ZNF283: variants seen among roughly 807,000 people sequenced by gnomAD.
The protein encoded by ZNF283 is zinc finger protein 283, also known as zinc finger protein 41.
In ZNF283, 10 loss-of-function variants were observed where a neutral mutation model predicts 9.2. The ratio of observed to expected loss-of-function variants is 1.09; its 90% CI spans 0.67 to 1.85. ZNF283 has a LOEUF of 1.85. Ranked by LOEUF, ZNF283 falls within the 40% of genes most tolerant of loss-of-function variation. ZNF283 has a pLI of 0.00. For synonymous variants in ZNF283, 234 were observed against 244.1 expected, an observed-to-expected ratio of 0.96 and a Z score of 0.38; for missense variants, 631 against 760.1, an observed-to-expected ratio of 0.83 and a Z score of 2.00.
chr19:43,840,777 C>T (rs1393130330), intron 6 of ZNF283: 1 of 151,146 alleles, frequency 6.6e-6, no homozygotes, highest in Non-Finnish European at 1.5e-5. Flanking sequence ...GCTCTGCCTC[C>T]CAGGTTCACA....
chr19:43,836,699 A>G (rs1249071771), intron 5 of ZNF283, among the ~76,000 whole-genome samples: 1 of 152,218 alleles, frequency 6.6e-6, no homozygotes, highest in Non-Finnish European at 1.5e-5. Context: ...CAAAGAATTT[A>G]TGAGGAAGGC....
chr19:43,831,889 A>G (rs1039979009), intron 3 of ZNF283, among the ~76,000 whole-genome samples: 2 of 152,158 alleles, frequency 1.3e-5, no homozygotes, highest in African/African-American at 4.8e-5. Flanking sequence ...TTGGCCTTCC[A>G]AAGTGCTGGA....
At chr19:43,836,676 C>T (rs189993397) in intron 5 of ZNF283, among the ~76,000 whole-genome samples, 1 of 152,150 alleles carries the variant, frequency 6.6e-6, no homozygotes, top group Non-Finnish European at 1.5e-5. Flanking sequence ...AGATGGTGAG[C>T]AATTCACTTT....
intron 6 of ZNF283, 131 bp from the exon 7 acceptor site, chr19:43,846,808 C>T (rs2146582390): frequency 1.5e-6 from 1 of 670,928 alleles, no homozygotes; most frequent in East Asian, 2.9e-5. Flanking sequence ...TGTTATTTAA[C>T]AAGGGAGTGC....
Position 43,847,621 on chromosome 19 carries a change from T to C in ZNF283, c.1020T>C (p.Ile340=), listed in dbSNP as rs1330080124. 1 of 1,613,362 alleles carries C rather than the reference T, an allele frequency of 6.2e-7. No individual in the cohort carries two copies. The highest frequency in any genetic ancestry group is 1.3e-5 in the African/African-American group (1 of 74,892). ...WGSSLAKHEI[I]HTGEKPYKCK... ...CAAGCCTTGCTAAACATGAGATAAT[T>C]CATACAGGTGAGAAACCTTATAAAT... is the stretch of plus-strand genomic sequence containing the variant. Residue 340 remains isoleucine, a synonymous_variant, in exon 7 of 7, where the codon ATT becomes ATC. Transcript: ENST00000618787.
At position 43,851,308 on chromosome 19, in the gene ZNF283, T is replaced by G. The variant is rs536559274; in HGVS notation, c.*2667T>G. On this transcript the variant is annotated 3_prime_UTR_variant, in exon 7 of 7. Transcript: ENST00000618787. The stretch of plus-strand genomic sequence containing the variant: ...ACCAGTGCTTACTAGTACTTGACAA[T>G]GAAGGAGGATTTTACAGTTAAAGAA... 3 of 151,564 alleles carry G rather than the reference T, an allele frequency of 2.0e-5. No individual in the cohort carries two copies. Among genetic ancestry groups the G allele is most frequent in the African/African-American group, 7.3e-5 (3 of 41,168 alleles). The allele number at this position is 151,564 out of a possible 1,614,324, so 9.4% of individuals were successfully genotyped here. A position where few individuals can be genotyped will look rare whatever the true frequency, so the allele number is the denominator to read the frequency against.
Position 43,836,444 on chromosome 19 carries a change from C to T in ZNF283, c.211-609C>T, listed in dbSNP as rs377272709. Among the ~76,000 whole-genome samples, 4 of 152,146 alleles carry T rather than the reference C, an allele frequency of 2.6e-5. No homozygotes were observed. In the East Asian group the frequency reaches 7.7e-4, roughly 29 times the overall value. On this transcript the variant is annotated intron_variant, in intron 5 of 6. Coordinates refer to ENST00000618787, the MANE Select transcript of ZNF283 (RefSeq NM_181845.2). The stretch of plus-strand genomic sequence containing the variant: ...GCAACTTCTCCCTCCCAGGTTCAAG[C>T]GATTCTCCTGCCTTAGCCTCCCAAG...
chr19:43,828,513 A>C (rs1369358115), intron 2 of ZNF283, among the ~76,000 whole-genome samples: 1 of 151,798 alleles, frequency 6.6e-6, no homozygotes, highest in African/African-American at 2.4e-5. Flanking sequence ...GTGCATTATG[A>C]TGCACTGAAG....
Position 43,847,221 on chromosome 19 carries a change from ATGTT to A in ZNF283, c.624_627del (p.Cys209ArgfsTer36), listed in dbSNP as rs1568423794. 1 of 1,613,794 alleles carries A rather than the reference ATGTT, an allele frequency of 6.2e-7. No homozygotes were observed. Among genetic ancestry groups the A allele is most frequent in the Admixed American group, 1.7e-5 (1 of 60,018 alleles). ...AGAATTCATAATACAGAGAAATCCT[ATGTT>A]TGTAAGGAATGTGGGAAGGCTTGCA... is the stretch of plus-strand genomic sequence containing the variant. On this transcript the variant is annotated frameshift_variant, in exon 7 of 7. Transcript: ENST00000618787. LOFTEE classifies it low-confidence loss of function (END_TRUNC).
Position 43,848,865 on chromosome 19 carries a change from CA to C in ZNF283, c.*226del. 2.8e-6 allele frequency: 1 copy of C among 360,464 alleles called. No individual in the cohort carries two copies. Among genetic ancestry groups the C allele is most frequent in the Non-Finnish European group, 5.0e-6 (1 of 200,448 alleles). 22.3% of individuals were successfully genotyped at this position (360,464 alleles called of 1,614,324 possible). ...ACTTCTGTACAGTCTTATTGGATAT[CA>C]ATTTATACTGATGTAAAATCATTTA... On this transcript the variant is annotated 3_prime_UTR_variant, in exon 7 of 7. Coordinates refer to ENST00000618787, the MANE Select transcript of ZNF283 (RefSeq NM_181845.2).
At chr19:43,843,489 T>G (rs1971292508) in intron 6 of ZNF283, among the ~76,000 whole-genome samples, 1 of 152,242 alleles carries the variant, frequency 6.6e-6, no homozygotes, top group Admixed American at 6.5e-5. Context: ...AAATAACTAA[T>G]ATTTGTTGCC....
At chr19:43,835,464 CTG>C in intron 4 of ZNF283, 39 bp from the exon 5 acceptor site, 1 of 1,377,132 alleles carries the variant, frequency 7.3e-7, no homozygotes, top group Non-Finnish European at 1.0e-6. Flanking sequence ...GATGGGATCA[CTG>C]AGGCACACCT....
chr19:43,848,827 A>G lies in ZNF283; in HGVS notation c.*186A>G. On this transcript the variant is annotated 3_prime_UTR_variant, in exon 7 of 7. Coordinates refer to ENST00000618787, the MANE Select transcript of ZNF283 (RefSeq NM_181845.2). ...AAATATTTTGAATATAATTAATATG[A>G]AAAGGCCTTTAGACTTCTGTACAGT... 2.0e-6 allele frequency: 1 copy of G among 508,550 alleles called. No individual in the cohort carries two copies. Among genetic ancestry groups the G allele is most frequent in the Non-Finnish European group, 3.3e-6 (1 of 301,966 alleles). The allele number at this position is 508,550 out of a possible 1,614,324, so 31.5% of individuals were successfully genotyped here.
At chr19:43,831,186 C>A in intron 2 of ZNF283, 132 bp from the exon 3 acceptor site, 1 of 536,690 alleles carries the variant, frequency 1.9e-6, no homozygotes. Flanking sequence ...ATTGGTCATT[C>A]ACTGAAGAAG....
chr19:43,837,625 A>G (rs1322618896), intron 6 of ZNF283: 1 of 193,052 alleles, frequency 5.2e-6, no homozygotes, highest in East Asian at 1.2e-4. Context: ...ACATCAAATA[A>G]GTAAATTTAT....
At chr19:43,840,642 C>T (rs996950552) in intron 6 of ZNF283, 5 of 152,206 alleles carry the variant, frequency 3.3e-5, no homozygotes, top group African/African-American at 9.7e-5. Context: ...ATGGAAGTGC[C>T]TGATAAGATT....
chr19:43,831,021 G>A (rs1020636546), intron 2 of ZNF283, among the ~76,000 whole-genome samples: 7 of 151,568 alleles, frequency 4.6e-5, no homozygotes, highest in African/African-American at 1.5e-4. Context: ...TTTATAAAGA[G>A]TCAAAGGAAG....
In ZNF283 at chr19:43,846,927, GT is replaced by G; in HGVS notation, c.338-8del. The G allele has an allele frequency of 8.3e-7, 1 of 1,200,652 alleles. No individual in the cohort carries two copies. The highest frequency in any genetic ancestry group is 1.1e-6 in the Non-Finnish European group (1 of 913,112). 74.4% of individuals were successfully genotyped at this position (1,200,652 alleles called of 1,614,324 possible). On this transcript the variant is annotated splice_polypyrimidine_tract_variant and intron_variant, in intron 6 of 6. Transcript: ENST00000618787. ...AGGAAATAAAATGTGTGGTTTTCTT[GT>G]TTTCTTTCAGATTTGGAGTCAAAAA...
intron 6 of ZNF283, 60 bp downstream of exon 6, chr19:43,837,239 C>T: frequency 6.7e-7 from 1 of 1,492,610 alleles, no homozygotes; most frequent in East Asian, 2.4e-5. Flanking sequence ...GTTTTCTGCA[C>T]TGGAAATTAC....
Sources: allele counts gnomAD v4.1 joint callset (sites outside exome capture counted in the v4.1 genomes callset), GRCh38; gene constraint gnomAD v4.1.1; transcripts MANE v1.5; gene names NCBI Gene and HGNC (gene_info 2026-07-23, HGNC 2026-07-21).